The following NUP188 variants were observed in gnomAD, a reference collection of about 807,000 sequenced individuals.
The protein encoded by NUP188 is nucleoporin 188, also known as nucleoporin NUP188.
Under a neutral mutation model 223.0 loss-of-function variants are expected in NUP188, and 97 were observed. The observed-to-expected ratio is 0.43, with a 90% CI of 0.37 to 0.51. The LOEUF is 0.51. NUP188 is among the 20% of genes least tolerant of loss of function. The pLI, the probability that NUP188 is intolerant of heterozygous loss-of-function variation, is 0.00. For synonymous variants in NUP188, 869 were observed against 828.0 expected, an observed-to-expected ratio of 1.05 and a Z score of -0.85; for missense variants, 1,947 against 2,175.6, an observed-to-expected ratio of 0.89 and a Z score of 2.09.
At chr9:128,949,995 T>C (rs2131133826) in intron 2 of NUP188, among the ~76,000 whole-genome samples, 1 of 145,594 alleles carries the variant, frequency 6.9e-6, no homozygotes, top group South Asian at 2.2e-4. Flanking sequence ...CGATCTTGGC[T>C]CACTTCAACC....
chr9:128,998,147 G>C lies in NUP188; in HGVS notation c.3352-4G>C. The C allele has an allele frequency of 6.2e-7, 1 of 1,612,238 alleles. No homozygotes were observed. The highest frequency in any genetic ancestry group is 1.1e-5 in the South Asian group (1 of 91,046). ...AGCTGAAACCTTTTTCTGTTCCTTT[G>C]CAGGCAGATATAATGCACCTGACTG... is the stretch of plus-strand genomic sequence containing the variant. On this transcript the variant is annotated splice_region_variant and splice_polypyrimidine_tract_variant and intron_variant, in intron 30 of 43. Transcript: ENST00000372577.
In NUP188 at chr9:129,003,268, AG is replaced by A. The variant is rs984325174; in HGVS notation, c.4297-47del. The stretch of plus-strand genomic sequence containing the variant: ...ACAGGAGGGTAGGTGTGGGTATGTC[AG>A]GTCCCTCAGCCATCCCCATCTTTCC... On this transcript the variant is annotated intron_variant, in intron 37 of 43. Coordinates refer to ENST00000372577, the MANE Select transcript of NUP188 (RefSeq NM_015354.3). 10 of 1,572,298 alleles carry A rather than the reference AG, an allele frequency of 6.4e-6. No individual in the cohort carries two copies. The African/African-American group carries it at 1.2e-4, about 19-fold the overall frequency.
At chr9:128,995,052 G>T in intron 29 of NUP188, 129 bp downstream of exon 29, 1 of 732,260 alleles carries the variant, frequency 1.4e-6, no homozygotes, top group Non-Finnish European at 2.4e-6. Flanking sequence ...TTCATGGAAG[G>T]CCAGTGAGCT....
At position 128,994,438 on chromosome 9, in the gene NUP188, C is replaced by G; in HGVS notation, c.3083C>G (p.Ser1028Ter). The G allele has an allele frequency of 6.2e-7, 1 of 1,612,036 alleles. No individual in the cohort carries two copies. Among genetic ancestry groups the G allele is most frequent in the South Asian group, 1.1e-5 (1 of 91,032 alleles). Residue 1028 changes from serine to a stop codon, truncating the protein, a stop_gained, in exon 28 of 44, where the codon TCA becomes TGA. Coordinates refer to ENST00000372577, the MANE Select transcript of NUP188 (RefSeq NM_015354.3). LOFTEE classifies it high-confidence loss of function. ...FGTLSPPSET[S>*]EPSILETCAL... Reference sequence around the variant, plus strand: ...ACCCTTTCTCCTCCCTCTGAAACATCAGAGGTAAGCTGTGGCAGAGGGCAG... The same window carrying G: ...ACCCTTTCTCCTCCCTCTGAAACATGAGAGGTAAGCTGTGGCAGAGGGCAG...
intron 8 of NUP188, among the ~76,000 whole-genome samples, chr9:128,963,952 G>A (rs557258905): frequency 6.6e-6 from 1 of 152,154 alleles, no homozygotes; most frequent in East Asian, 1.9e-4. Flanking sequence ...GAGTAGCTGG[G>A]ACTACAGGCA....
chr9:129,000,782 T>C (rs1842638979), intron 34 of NUP188, among the ~76,000 whole-genome samples: 1 of 151,072 alleles, frequency 6.6e-6, no homozygotes, highest in South Asian at 2.1e-4. Context: ...CTAACGCCTG[T>C]AATCCCAGCA....
chr9:128,998,253 A>G, intron 31 of NUP188, 25 bp downstream of exon 31: 3 of 1,589,764 alleles, frequency 1.9e-6, no homozygotes, highest in Non-Finnish European at 8.6e-7. Context: ...GAGATTTTAC[A>G]TTTCTCCCAG....
chr9:128,999,080 TGAC>T (rs1233712969), intron 32 of NUP188, 89 bp from the exon 33 acceptor site: 5 of 998,234 alleles, frequency 5.0e-6, no homozygotes, highest in Non-Finnish European at 7.7e-6. Flanking sequence ...CTCGAACTCC[TGAC>T]CTCAGGTGAT....
chr9:128,953,426 A>G (rs1841823729), intron 3 of NUP188, among the ~76,000 whole-genome samples: 1 of 152,210 alleles, frequency 6.6e-6, no homozygotes, highest in African/African-American at 2.4e-5. Context: ...TTCCTAGTCC[A>G]GATCTCATTC....
At position 129,005,222 on chromosome 9, in the gene NUP188, G is replaced by A; in HGVS notation, c.4509+1G>A. The A allele has an allele frequency of 6.2e-7, 1 of 1,614,010 alleles. No homozygotes were observed. The highest frequency in any genetic ancestry group is 8.5e-7 in the Non-Finnish European group (1 of 1,179,886). ...AAAGATGCTGCAGCATTACTTACAG[G>A]TAAGCGTCCTATGCCATGAGGTCCT... On this transcript the variant is annotated splice_donor_variant, in intron 39 of 43. Transcript: ENST00000372577. LOFTEE classifies it high-confidence loss of function.
intron 25 of NUP188, among the ~76,000 whole-genome samples, chr9:128,992,551 A>G (rs1842450773): frequency 6.6e-6 from 1 of 152,122 alleles, no homozygotes; most frequent in South Asian, 2.1e-4. Context: ...GGCAGTCTTG[A>G]TGTGCTTCAT....
chr9:128,980,780 T>G, intron 14 of NUP188, 55 bp downstream of exon 14: 2 of 1,580,292 alleles, frequency 1.3e-6, no homozygotes, highest in Admixed American at 1.8e-5. Flanking sequence ...ATGGAGACTT[T>G]ATTAGGAATC....
chr9:128,957,361 G>A (rs1841885641), intron 5 of NUP188, among the ~76,000 whole-genome samples: 1 of 152,102 alleles, frequency 6.6e-6, no homozygotes, highest in African/African-American at 2.4e-5. Flanking sequence ...GAATATATAT[G>A]CATATAAGCT....
At position 128,987,578 on chromosome 9, in the gene NUP188, C is replaced by CT; in HGVS notation, c.2265-10dup. On this transcript the variant is annotated splice_polypyrimidine_tract_variant and intron_variant, in intron 22 of 43. Coordinates refer to ENST00000372577, the MANE Select transcript of NUP188 (RefSeq NM_015354.3). ...GGCTCCCTGGTAACTCAGAATACCTCTGTCTTCCAGTCATACTCCCAGCCT... is the reference window on the plus strand; with the variant it reads ...GGCTCCCTGGTAACTCAGAATACCTCTTGTCTTCCAGTCATACTCCCAGCCT... The CT allele has an allele frequency of 3.1e-6, 5 of 1,608,510 alleles. No homozygotes were observed. The highest frequency in any genetic ancestry group is 4.2e-6 in the Non-Finnish European group (5 of 1,177,488).
chr9:128,951,306 C>CACA (rs1841781903), intron 2 of NUP188, among the ~76,000 whole-genome samples: 1 of 86,250 alleles, frequency 1.2e-5, no homozygotes. Flanking sequence ...GACTCCATCT[C>CACA]AAAAAAAAAA....
chr9:129,001,553 G>T lies in NUP188; in HGVS notation c.3868G>T (p.Ala1290Ser), dbSNP rs775596418. ...DGVCVLGLHL[A>S]KELCEVDEDG... ...GGTGTGTGTCCTGGGCCTGCACCTGGCCAAGGAGCTGTGTGAGGTAGACGA... is the reference window on the plus strand; with the variant it reads ...GGTGTGTGTCCTGGGCCTGCACCTGTCCAAGGAGCTGTGTGAGGTAGACGA... Residue 1290 changes from alanine (A) to serine (S), a missense_variant, in exon 35 of 44, where the codon GCC becomes TCC. Around this residue, in one of 3 missense-constraint regions of NUP188, gnomAD observed 905 missense variants for 990.6 expected, o/e 0.91. Transcript: ENST00000372577. 8 of 1,613,742 alleles carry T rather than the reference G, an allele frequency of 5.0e-6. No individual in the cohort carries two copies. In the Admixed American group the frequency reaches 6.7e-5, roughly 13 times the overall value.
intron 30 of NUP188, among the ~76,000 whole-genome samples, chr9:128,995,990 C>T (rs1842517934): frequency 6.6e-6 from 1 of 152,096 alleles, no homozygotes; most frequent in Non-Finnish European, 1.5e-5. Flanking sequence ...AGAACAGAGG[C>T]CATTGTCTCT....
Position 128,984,937 on chromosome 9 carries a change from T to C in NUP188, c.1999T>C (p.Leu667=). The C allele has an allele frequency of 6.2e-7, 1 of 1,614,016 alleles. No individual in the cohort carries two copies. Among genetic ancestry groups the C allele is most frequent in the Non-Finnish European group, 8.5e-7 (1 of 1,179,944 alleles). ...GAATGCTGGAGGGTACGGAAACCTCTTGATGAACAGTGAACAGCCTCAGGG... is the reference window on the plus strand; with the variant it reads ...GAATGCTGGAGGGTACGGAAACCTCCTGATGAACAGTGAACAGCCTCAGGG... The part of the protein sequence containing the change: ...GMNAGGYGNL[L]MNSEQPQGEY... Residue 667 remains leucine (L), a synonymous_variant, in exon 20 of 44, where the codon TTG becomes CTG. Transcript: ENST00000372577.
intron 38 of NUP188, chr9:129,004,551 C>CT (rs1299101081): frequency 6.6e-6 from 1 of 152,458 alleles, no homozygotes; most frequent in Non-Finnish European, 1.5e-5. Flanking sequence ...GTCGCCCAGG[C>CT]TGGAGTGCAG....
Sources: allele counts gnomAD v4.1 joint callset (sites outside exome capture counted in the v4.1 genomes callset), GRCh38; gene constraint gnomAD v4.1.1; regional missense constraint gnomAD v4.1.1; transcripts MANE v1.5; gene names NCBI Gene and HGNC (gene_info 2026-07-23, HGNC 2026-07-21).